Variants in ABLIM1 observed in about 807,000 individuals in gnomAD.
ABLIM1 encodes actin-binding LIM protein 1.
In ABLIM1, 40 loss-of-function variants were observed where a neutral mutation model predicts 107.0. The observed-to-expected ratio is 0.37, with a 90% CI of 0.29 to 0.49. ABLIM1 has a LOEUF of 0.49. Among genes scored for constraint, ABLIM1 ranks in the 20% least tolerant of loss-of-function variants. ABLIM1 has a pLI of 0.97. For missense variants in ABLIM1, 857 were observed against 1,008.5 expected (o/e 0.85, Z 2.04); for synonymous variants, 357 against 357.3 (o/e 1.00, Z 0.01).
rs1179013077 is a variant in ABLIM1 at position 114,473,035 on chromosome 10, T to C, written c.1217A>G (p.Tyr406Cys). 1.2e-6 allele frequency: 2 copies of C among 1,613,396 alleles called. No individual in the cohort carries two copies. Among genetic ancestry groups the C allele is most frequent in the South Asian group, 1.1e-5 (1 of 90,870 alleles). The change falls in exon 10 of 23, where the codon TAT (tyrosine) becomes TGT (cysteine). Residue 406 changes from tyrosine (Y) to cysteine (C), a missense_variant. Physicochemically the swap from Tyr to Cys is radical, Grantham distance 194 (BLOSUM62 -2). Coordinates refer to ENST00000533213, the MANE Select transcript of ABLIM1 (RefSeq NM_002313.7). The stretch of plus-strand genomic sequence containing the variant: ...ATAGCCCGAAGTGTAGAAAGGCTCA[T>C]AGGTAATAAGATCTGGACGTTCAAT... ...YDIERPDLITYEPFYTSGYDD... is the reference protein window; with the variant it reads ...YDIERPDLITCEPFYTSGYDD...
chr10:114,619,762 G>C lies in ABLIM1; in HGVS notation c.245-17801C>G, dbSNP rs1409936116. ...GAAAAAGCAATTCCAGAAATACCAGGCTTGAAAGCTGACATGGGCTCTACG... is the reference window on the plus strand; with the variant it reads ...GAAAAAGCAATTCCAGAAATACCAGCCTTGAAAGCTGACATGGGCTCTACG... On this transcript the variant is annotated intron_variant, in intron 1 of 22. Transcript: ENST00000533213. This position sits in a 1 kb window ranked among gnomAD's most constrained non-coding sequence, Gnocchi z 4.1. Among the ~76,000 whole-genome samples the C allele has an allele frequency of 6.6e-6, 1 of 152,194 alleles. No individual in the cohort carries two copies. Among genetic ancestry groups the C allele is most frequent in the Non-Finnish European group, 1.5e-5 (1 of 68,036 alleles).
At chr10:114,468,248 A>G (rs1317718389) in intron 10 of ABLIM1, 32 bp from the exon 11 acceptor site, 4 of 1,601,270 alleles carry the variant, frequency 2.5e-6, no homozygotes, top group Non-Finnish European at 8.6e-7. Flanking sequence ...TAAAGTCACA[A>G]TGTTTGTTAA....
At chr10:114,723,227 G>A (rs760194660) in intron 1 of ABLIM1, among the ~76,000 whole-genome samples, 16 of 152,168 alleles carry the variant, frequency 1.1e-4, no homozygotes, top group Admixed American at 2.6e-4. Flanking sequence ...AGGAGAGGCC[G>A]ACTTAGGTGA....
chr10:114,738,786 A>T (rs2082232616), intron 1 of ABLIM1, among the ~76,000 whole-genome samples: 2 of 152,164 alleles, frequency 1.3e-5, no homozygotes, highest in East Asian at 3.9e-4. Flanking sequence ...CACGATAAAA[A>T]AAAAAAAGTA....
chr10:114,658,077 G>C lies in ABLIM1; in HGVS notation c.124C>G (p.Arg42Gly). Residue 42 changes from arginine to glycine, a missense_variant, in exon 1 of 23, where the codon CGG becomes GGG. Arg to Gly is a moderately radical substitution (Grantham distance 125, BLOSUM62 -2). Around this residue, in one of 5 missense-constraint regions of ABLIM1, gnomAD observed 176 missense variants for 173.5 expected, o/e 1.01. Coordinates refer to ENST00000533213, the MANE Select transcript of ABLIM1 (RefSeq NM_002313.7). ...SNRKRLIVED[R>G]RVSGTSFTAH... ...GTGAAGGAGGTCCCAGAGACCCTCC[G>C]GTCCTCAACAATCAGTCTCTTTCTG... 1.2e-6 allele frequency: 2 copies of C among 1,614,186 alleles called. No individual in the cohort carries two copies. Among genetic ancestry groups the C allele is most frequent in the Non-Finnish European group, 1.7e-6 (2 of 1,180,028 alleles).
chr10:114,631,792 G>A, intron 1 of ABLIM1: 8 of 1,164,886 alleles, frequency 6.9e-6, no homozygotes, highest in South Asian at 2.8e-5. Context: ...TTCTCACACC[G>A]AGAACATGTC....
Position 114,644,925 on chromosome 10 carries a change from C to G in ABLIM1, c.244+13032G>C, listed in dbSNP as rs985449292. On this transcript the variant is annotated intron_variant, in intron 1 of 22. Transcript: ENST00000533213. ...AACTAAACTGCTGGTCCTGGAGCAG[C>G]CTGGAATTCTGTACTTCCTGAGGCC... Among the ~76,000 whole-genome samples the G allele has an allele frequency of 3.9e-5, 6 of 152,256 alleles. No homozygotes were observed. In the East Asian group the frequency reaches 1.2e-3, roughly 29 times the overall value.
chr10:114,690,385 C>T, intron 1 of ABLIM1: 1 of 1,605,974 alleles, frequency 6.2e-7, no homozygotes, highest in Non-Finnish European at 8.5e-7. Context: ...ATGAAGTTCT[C>T]ATCATCAAAT....
intron 1 of ABLIM1, among the ~76,000 whole-genome samples, chr10:114,765,384 T>A (rs375005132): frequency 2.4e-4 from 36 of 152,184 alleles, no homozygotes; most frequent in African/African-American, 7.7e-4. Context: ...ATTCTATTAT[T>A]CCTACCATAA....
intron 6 of ABLIM1, among the ~76,000 whole-genome samples, chr10:114,541,278 C>T (rs2066625301): frequency 6.6e-6 from 1 of 152,084 alleles, no homozygotes. Flanking sequence ...CCTCAAGAAC[C>T]TCAAGAACTG....
chr10:114,708,822 C>G (rs1399845839), intron 1 of ABLIM1, among the ~76,000 whole-genome samples: 1 of 152,090 alleles, frequency 6.6e-6, no homozygotes, highest in Non-Finnish European at 1.5e-5. Flanking sequence ...TCAGGGACCA[C>G]CTTCAAAGTC....
At chr10:114,508,487 C>CCAGG (rs1193241130) in intron 6 of ABLIM1, among the ~76,000 whole-genome samples, 2 of 152,178 alleles carry the variant, frequency 1.3e-5, no homozygotes, top group Non-Finnish European at 2.9e-5. Context: ...TTGCTTGAGG[C>CCAGG]CAGGAGCTGG....
chr10:114,792,185 G>T, the ABLIM1 span, among the ~76,000 whole-genome samples: 1 of 152,198 alleles, frequency 6.6e-6, no homozygotes, highest in Non-Finnish European at 1.5e-5. Context: ...GCTGGGTGTG[G>T]TGGCACATGC....
At chr10:114,734,604 C>T (rs761324520) in intron 1 of ABLIM1, among the ~76,000 whole-genome samples, 1 of 152,182 alleles carries the variant, frequency 6.6e-6, no homozygotes, top group Non-Finnish European at 1.5e-5. Context: ...ATTTTCTCAG[C>T]TCAACTCCTT....
At chr10:114,748,375 G>A (rs1173951815) in intron 1 of ABLIM1, among the ~76,000 whole-genome samples, 1 of 152,148 alleles carries the variant, frequency 6.6e-6, no homozygotes, top group Admixed American at 6.5e-5. Flanking sequence ...AGAAGGAAGA[G>A]AGCAGTTCAA....
chr10:114,636,801 G>A (rs1292908155), intron 1 of ABLIM1, among the ~76,000 whole-genome samples: 1 of 152,074 alleles, frequency 6.6e-6, no homozygotes, highest in Non-Finnish European at 1.5e-5. Flanking sequence ...GGGAGGTTGA[G>A]GTGGATGGAT....
At chr10:114,470,164 TG>T in intron 10 of ABLIM1, among the ~76,000 whole-genome samples, 1 of 152,332 alleles carries the variant, frequency 6.6e-6, no homozygotes, top group South Asian at 2.1e-4. Flanking sequence ...GGCTCACACC[TG>T]TAATCCCAGC....
At chr10:114,796,784 T>G in the ABLIM1 span, among the ~76,000 whole-genome samples, 5 of 152,216 alleles carry the variant, frequency 3.3e-5, no homozygotes. Context: ...CTACTCCTTT[T>G]AGCTTTAAGC....
At chr10:114,570,596 G>T (rs1261884575) in intron 4 of ABLIM1, among the ~76,000 whole-genome samples, 59 of 68,018 alleles carry the variant, frequency 8.7e-4, no homozygotes, top group Non-Finnish European at 1.2e-3. Context: ...ATTTTTCTGG[G>T]TTTTTTTTTT....
Sources: allele counts gnomAD v4.1 joint callset (sites outside exome capture counted in the v4.1 genomes callset), GRCh38; gene constraint gnomAD v4.1.1; regional missense constraint gnomAD v4.1.1; non-coding constraint Gnocchi (gnomAD v3.1); transcripts MANE v1.5; gene names NCBI Gene and HGNC (gene_info 2026-07-23, HGNC 2026-07-21).